Variants in IGSF9B observed in about 807,000 individuals in gnomAD.
The protein encoded by IGSF9B is immunoglobulin superfamily member 9B.
Under a neutral mutation model 143.7 loss-of-function variants are expected in IGSF9B, and 48 were observed. The observed-to-expected ratio is 0.33, with a 90% CI of 0.26 to 0.42. The LOEUF (loss-of-function observed/expected upper bound fraction) is 0.42. Ranked by LOEUF, IGSF9B falls within the 20% of genes least tolerant of loss-of-function variation. The pLI is 1.00. For missense variants in IGSF9B, 1,706 were observed against 1,980.0 expected (o/e 0.86, Z 2.63); for synonymous variants, 903 against 833.1 (o/e 1.08, Z -1.44).
Position 133,956,818 on chromosome 11 carries a change from T to A in IGSF9B, c.-64A>T. 9.5e-7 allele frequency: 1 copy of A among 1,058,160 alleles called. No individual in the cohort carries two copies. The highest frequency in any genetic ancestry group is 1.3e-6 in the Non-Finnish European group (1 of 794,070). 65.5% of individuals were successfully genotyped at this position (1,058,160 alleles called of 1,614,324 possible). On this transcript the variant is annotated 5_prime_UTR_variant, in exon 1 of 20. Transcript: ENST00000533871. ...AAGTGCTCCCGCGCCCGCACGCGCC[T>A]CGCGCCCGAGCGCCCGCCTCGCGCC...
At chr11:133,929,566 T>A in intron 12 of IGSF9B, 105 bp downstream of exon 12, 2 of 773,082 alleles carry the variant, frequency 2.6e-6, no homozygotes, top group Non-Finnish European at 4.5e-6. Flanking sequence ...GGCCAGGAAC[T>A]GCAGCCTCCT....
intron 1 of IGSF9B, chr11:133,952,071 C>T (rs1045640240): frequency 1.1e-5 from 5 of 455,496 alleles, no homozygotes; most frequent in Middle Eastern, 6.5e-4. Context: ...ACAGTCAGGC[C>T]GGCTGAGACT....
chr11:133,945,946 G>A lies in IGSF9B; in HGVS notation c.262+115C>T. On this transcript the variant is annotated intron_variant, in intron 2 of 19. Transcript: ENST00000533871. This position sits in a 1 kb window ranked among gnomAD's most constrained non-coding sequence, Gnocchi z 4.6. ...GACAAAGGATGGGAGGAACCAGGCA[G>A]AGACTGGGAAACAGAGATAAAGAGT... is the stretch of plus-strand genomic sequence containing the variant. The A allele has an allele frequency of 2.8e-6, 2 of 719,514 alleles. No homozygotes were observed. The highest frequency in any genetic ancestry group is 5.9e-5 in the Admixed American group (2 of 33,662). 44.6% of individuals were successfully genotyped at this position (719,514 alleles called of 1,614,324 possible). A position where few individuals can be genotyped will look rare whatever the true frequency, so the allele number is the denominator to read the frequency against.
intron 3 of IGSF9B, among the ~76,000 whole-genome samples, chr11:133,940,740 A>G (rs1380416211): frequency 6.6e-6 from 1 of 151,938 alleles, no homozygotes; most frequent in Non-Finnish European, 1.5e-5. Context: ...ACATACAGAA[A>G]CATACACCTT....
rs1940040871 is a variant in IGSF9B at position 133,945,965 on chromosome 11, A to C, written c.262+96T>G. 3.8e-6 allele frequency: 3 copies of C among 792,624 alleles called. No homozygotes were observed. Among genetic ancestry groups the C allele is most frequent in the Non-Finnish European group, 6.0e-6 (3 of 497,402 alleles). The allele number at this position is 792,624 out of a possible 1,614,324, so 49.1% of individuals were successfully genotyped here. A position where few individuals can be genotyped will look rare whatever the true frequency, so the allele number is the denominator to read the frequency against. On this transcript the variant is annotated intron_variant, in intron 2 of 19. Transcript: ENST00000533871. The surrounding 1 kb of genome is among the most constrained non-coding windows in gnomAD (Gnocchi z 4.6). ...CAGGCAGAGACTGGGAAACAGAGAT[A>C]AAGAGTGGTCAGGACAAGGCAGGGG... is the stretch of plus-strand genomic sequence containing the variant.
rs76951206 is a variant in IGSF9B at position 133,896,545 on chromosome 11, G to A, written c.*12524C>T. 114 of 152,346 alleles carry A rather than the reference G, an allele frequency of 7.5e-4. No individual in the cohort carries two copies. Among genetic ancestry groups the A allele is most frequent in the African/African-American group, 2.6e-3 (109 of 41,568 alleles). 9.4% of individuals were successfully genotyped at this position (152,346 alleles called of 1,614,324 possible). A position where few individuals can be genotyped will look rare whatever the true frequency, so the allele number is the denominator to read the frequency against. ...AAACGTCTTTTCATCAGTTTAACTT[G>A]CAACACTCCCGGGGTACCTGCACTG... On this transcript the variant is annotated 3_prime_UTR_variant, in exon 20 of 20. Coordinates refer to ENST00000533871, the MANE Select transcript of IGSF9B (RefSeq NM_001277285.4).
intron 18 of IGSF9B, among the ~76,000 whole-genome samples, chr11:133,918,742 T>C (rs1939443504): frequency 6.7e-6 from 1 of 149,558 alleles, no homozygotes; most frequent in Non-Finnish European, 1.5e-5. Flanking sequence ...CAGCCTCCTC[T>C]GGAACTCTCT....
At chr11:133,926,327 A>T (rs1314642665) in intron 13 of IGSF9B, among the ~76,000 whole-genome samples, 1 of 152,224 alleles carries the variant, frequency 6.6e-6, no homozygotes, top group Admixed American at 6.5e-5. Context: ...AGAGGTGCCA[A>T]GGACTGGGGG....
intron 18 of IGSF9B, among the ~76,000 whole-genome samples, chr11:133,919,462 G>A (rs1939464907): frequency 6.6e-6 from 1 of 152,212 alleles, no homozygotes; most frequent in Non-Finnish European, 1.5e-5. Flanking sequence ...GCTGTGATCC[G>A]CCGCTCCCTG....
rs540423919 is a variant in IGSF9B, at chr11:133,909,579, T to G, written c.4106-302A>C. On this transcript the variant is annotated intron_variant, in intron 19 of 19. Coordinates refer to ENST00000533871, the MANE Select transcript of IGSF9B (RefSeq NM_001277285.4). The surrounding 1 kb of genome is among the most constrained non-coding windows in gnomAD (Gnocchi z 4.2). ...GTCTACAAATATTTCTTTTAGTGCCTCTTGAGTACTAGGCATCATTCTAGG... is the reference window on the plus strand; with the variant it reads ...GTCTACAAATATTTCTTTTAGTGCCGCTTGAGTACTAGGCATCATTCTAGG... 7.9e-4 allele frequency among the ~76,000 whole-genome samples: 120 copies of G among 152,348 alleles called. No individual in the cohort carries two copies. The highest frequency in any genetic ancestry group is 1.3e-3 in the Non-Finnish European group (88 of 68,028).
chr11:133,949,400 T>A (rs759923483), intron 1 of IGSF9B, among the ~76,000 whole-genome samples: 1 of 152,160 alleles, frequency 6.6e-6, no homozygotes, highest in African/African-American at 2.4e-5. Flanking sequence ...AGCCTGATCA[T>A]TTCTGAGCCA....
chr11:133,950,536 G>A (rs902000207), intron 1 of IGSF9B, among the ~76,000 whole-genome samples: 1 of 152,212 alleles, frequency 6.6e-6, no homozygotes, highest in Non-Finnish European at 1.5e-5. Flanking sequence ...AAAGCAGGTG[G>A]GGCAGAGGTC....
At chr11:133,951,236 A>G (rs329640) in intron 1 of IGSF9B, among the ~76,000 whole-genome samples, 76,112 of 152,062 alleles carry the variant, frequency 0.5, 19,850 homozygotes, top group Middle Eastern at 0.68. Flanking sequence ...AGGAAGGCAG[A>G]CGGGTACGGG....
At position 133,921,221 on chromosome 11, in the gene IGSF9B, G is replaced by T. The variant is rs1591712432; in HGVS notation, c.2504C>A (p.Ala835Asp). 6.2e-7 allele frequency: 1 copy of T among 1,610,024 alleles called. No individual in the cohort carries two copies. Residue 835 changes from alanine to aspartate, a missense_variant, in exon 18 of 20, where the codon GCC becomes GAC. Ala to Asp is a moderately radical substitution (Grantham distance 126, BLOSUM62 -2). Coordinates refer to ENST00000533871, the MANE Select transcript of IGSF9B (RefSeq NM_001277285.4). ...GGCCTCTGCCTCGGCCTCTGCCTTGGCCACGCTGTACTTCTTGCTGCTGAT... is the reference window on the plus strand; with the variant it reads ...GGCCTCTGCCTCGGCCTCTGCCTTGTCCACGCTGTACTTCTTGCTGCTGAT... ...RAISSKKYSV[A>D]KAEAEAEATT...
intron 15 of IGSF9B, among the ~76,000 whole-genome samples, chr11:133,924,600 G>A (rs1330073847): frequency 2.0e-5 from 3 of 152,142 alleles, no homozygotes; most frequent in Non-Finnish European, 4.4e-5. Context: ...TTATACAAGT[G>A]TCAGAAACTC....
intron 7 of IGSF9B, 34 bp downstream of exon 7, chr11:133,935,583 C>T: frequency 6.3e-7 from 1 of 1,589,458 alleles, no homozygotes; most frequent in Admixed American, 1.7e-5. Context: ...TTCTGGGAGC[C>T]CCACCACCCA....
chr11:133,901,963 C>CACA lies in IGSF9B; in HGVS notation c.*7105_*7106insTGT, dbSNP rs1190532788. Among the ~76,000 whole-genome samples, 8 of 120,986 alleles carry CACA rather than the reference C, an allele frequency of 6.6e-5. No individual in the cohort carries two copies. Among genetic ancestry groups the CACA allele is most frequent in the African/African-American group, 2.5e-4 (7 of 28,064 alleles). The allele number at this position is 120,986 out of a possible 152,430, so 79.4% of individuals were successfully genotyped here. A position where few individuals can be genotyped will look rare whatever the true frequency, so the allele number is the denominator to read the frequency against. On this transcript the variant is annotated 3_prime_UTR_variant, in exon 20 of 20. Transcript: ENST00000533871. ...CACACACACATCACACACATGCACA[C>CACA]CGCATCACACACATGCACACCAGAC...
rs1371471069 is a variant in IGSF9B at position 133,896,475 on chromosome 11, C to T, written c.*12594G>A. 1 of 152,200 alleles carries T rather than the reference C, an allele frequency of 6.6e-6. No homozygotes were observed. Among genetic ancestry groups the T allele is most frequent in the African/African-American group, 2.4e-5 (1 of 41,448 alleles). The allele number at this position is 152,200 out of a possible 1,614,324, so 9.4% of individuals were successfully genotyped here. A position where few individuals can be genotyped will look rare whatever the true frequency, so the allele number is the denominator to read the frequency against. Reference sequence around the variant, plus strand: ...TGTTTATTTATATCAAAATACAAAACATTTCTGAAGCAGAGTAATGTTACA... The same window carrying T: ...TGTTTATTTATATCAAAATACAAAATATTTCTGAAGCAGAGTAATGTTACA... On this transcript the variant is annotated 3_prime_UTR_variant, in exon 20 of 20. Transcript: ENST00000533871.
rs530122768 is a variant in IGSF9B at position 133,934,835 on chromosome 11, C to T, written c.967+782G>A. 3.9e-5 allele frequency among the ~76,000 whole-genome samples: 6 copies of T among 152,328 alleles called. No individual in the cohort carries two copies. The East Asian group carries it at 5.8e-4, about 15-fold the overall frequency. On this transcript the variant is annotated intron_variant, in intron 7 of 19. Coordinates refer to ENST00000533871, the MANE Select transcript of IGSF9B (RefSeq NM_001277285.4). Reference sequence around the variant, plus strand: ...TCCCTGTCGCTGGGTGTGAGCAATCCGCCCACACCAGCCGGGAAATGAGGG... The same window carrying T: ...TCCCTGTCGCTGGGTGTGAGCAATCTGCCCACACCAGCCGGGAAATGAGGG...
Sources: allele counts gnomAD v4.1 joint callset (sites outside exome capture counted in the v4.1 genomes callset), GRCh38; gene constraint gnomAD v4.1.1; non-coding constraint Gnocchi (gnomAD v3.1); transcripts MANE v1.5; gene names NCBI Gene and HGNC (gene_info 2026-07-23, HGNC 2026-07-21).